CSMD1: variants seen among roughly 807,000 people sequenced by gnomAD.
The protein encoded by CSMD1 is CUB and sushi domain-containing protein 1.
A neutral mutation model predicts 417.5 loss-of-function variants in CSMD1; 213 were observed. That is an observed-to-expected ratio of 0.51 (90% CI 0.46 to 0.57). The LOEUF is 0.57. Ranked by LOEUF, CSMD1 falls within the 20% of genes least tolerant of loss-of-function variation. The probability of loss-of-function intolerance (pLI) is 0.00; values close to 1 mark genes in which losing one functional copy is unlikely to be tolerated. For missense variants in CSMD1, 6,923 were observed against 4,529.7 expected (o/e 1.53, Z -15.17); for synonymous variants, 2,862 against 1,736.8 (o/e 1.65, Z -16.11).
At chr8:3,988,491 G>A (rs1435857040) in intron 5 of CSMD1, among the ~76,000 whole-genome samples, 1 of 152,194 alleles carries the variant, frequency 6.6e-6, no homozygotes, top group Admixed American at 6.5e-5. Flanking sequence ...GCACGGAACA[G>A]CAGCACCAAC....
At chr8:4,217,373 G>T (rs899674248) in intron 3 of CSMD1, among the ~76,000 whole-genome samples, 1 of 152,086 alleles carries the variant, frequency 6.6e-6, no homozygotes, top group Non-Finnish European at 1.5e-5. Flanking sequence ...CTAATATTAG[G>T]GAACTTCATT....
At chr8:4,212,923 T>C (rs949546360) in intron 3 of CSMD1, among the ~76,000 whole-genome samples, 3 of 152,096 alleles carry the variant, frequency 2.0e-5, no homozygotes, top group African/African-American at 7.2e-5. Context: ...CTTCTTCTCA[T>C]TCCCAACTAG....
intron 1 of CSMD1, among the ~76,000 whole-genome samples, chr8:4,691,960 C>T (rs1806795012): frequency 1.3e-5 from 2 of 152,328 alleles, no homozygotes; most frequent in South Asian, 4.1e-4. Flanking sequence ...AACTGCAGCT[C>T]TCGTTTTATG....
At chr8:3,198,679 G>A (rs1002916341) in intron 33 of CSMD1, among the ~76,000 whole-genome samples, 1 of 152,074 alleles carries the variant, frequency 6.6e-6, no homozygotes, top group Admixed American at 6.6e-5. Context: ...ACACTGAACT[G>A]TTTTGAAGTC....
chr8:4,463,600 C>T (rs559569747), intron 2 of CSMD1, among the ~76,000 whole-genome samples: 1 of 152,124 alleles, frequency 6.6e-6, no homozygotes, highest in Non-Finnish European at 1.5e-5. Flanking sequence ...CCGATTTATT[C>T]CACAACCTGA....
intron 12 of CSMD1, among the ~76,000 whole-genome samples, chr8:3,456,725 G>A (rs1816167575): frequency 6.6e-6 from 1 of 152,080 alleles, no homozygotes; most frequent in Admixed American, 6.5e-5. Flanking sequence ...AATATTTGGA[G>A]CTGTTGATTT....
chr8:3,551,177 C>T (rs931291742), intron 10 of CSMD1, among the ~76,000 whole-genome samples: 2 of 152,096 alleles, frequency 1.3e-5, no homozygotes, highest in Non-Finnish European at 2.9e-5. Flanking sequence ...TGGCATAGGG[C>T]GTTCAAAGAT....
chr8:4,078,176 C>T (rs1244135696), intron 3 of CSMD1, among the ~76,000 whole-genome samples: 2 of 152,212 alleles, frequency 1.3e-5, no homozygotes, highest in African/African-American at 4.8e-5. Flanking sequence ...ATTCAGTTTG[C>T]TATTTTCAAC....
At chr8:4,420,143 A>C (rs943733443) in intron 2 of CSMD1, 78 bp from the exon 3 acceptor site, 8 of 960,332 alleles carry the variant, frequency 8.3e-6, no homozygotes, top group African/African-American at 1.6e-5. Context: ...GAAGTCACTG[A>C]ATAACTTGAA....
rs1563340827 is a variant in CSMD1, at chr8:4,032,087, T to G, written c.428A>C (p.His143Pro). 1 of 1,610,666 alleles carries G rather than the reference T, an allele frequency of 6.2e-7. No homozygotes were observed. The highest frequency in any genetic ancestry group is 2.2e-5 in the East Asian group (1 of 44,828). ...FKALYEVLPSHTCGNPGEILK... is the reference protein window; with the variant it reads ...FKALYEVLPSPTCGNPGEILK... ...GATTTCTCCAGGATTTCCACAAGTGTGGCTAGGTAAAACTATTGGAAAAAG... is the reference window on the plus strand; with the variant it reads ...GATTTCTCCAGGATTTCCACAAGTGGGGCTAGGTAAAACTATTGGAAAAAG... Residue 143 changes from histidine (H) to proline (P), a missense_variant, in exon 4 of 70, where the codon CAC becomes CCC. Physicochemically the swap from His to Pro is moderately conservative, Grantham distance 77. Transcript: ENST00000635120.
intron 5 of CSMD1, among the ~76,000 whole-genome samples, chr8:3,758,537 C>A (rs1797803050): frequency 6.6e-6 from 1 of 152,160 alleles, no homozygotes; most frequent in Admixed American, 6.5e-5. Context: ...TAGCTCTCAT[C>A]TGACACAAAG....
intron 66 of CSMD1, among the ~76,000 whole-genome samples, 189 bp downstream of exon 66, chr8:2,950,925 T>C (rs1182915057): frequency 2.0e-5 from 3 of 152,202 alleles, no homozygotes; most frequent in Non-Finnish European, 4.4e-5. Context: ...GTACTCGTTT[T>C]GTAATCTCTA....
At position 3,391,914 on chromosome 8, in the gene CSMD1, C is replaced by T. The variant is rs182802984; in HGVS notation, c.2594-4232G>A. Reference sequence around the variant, plus strand: ...GAAACAGAAGAGATGAGCAATATTCCTGTTTTTAAGAGGCATAAAGAGTTT... The same window carrying T: ...GAAACAGAAGAGATGAGCAATATTCTTGTTTTTAAGAGGCATAAAGAGTTT... On this transcript the variant is annotated intron_variant, in intron 17 of 69. Transcript: ENST00000635120. 1.4e-3 allele frequency among the ~76,000 whole-genome samples: 213 copies of T among 152,162 alleles called. 1 individual carries two copies. Among genetic ancestry groups the T allele is most frequent in the Middle Eastern group, 6.8e-3 (2 of 294 alleles).
intron 5 of CSMD1, among the ~76,000 whole-genome samples, chr8:3,899,746 G>A (rs2129132668): frequency 6.6e-6 from 1 of 152,238 alleles, no homozygotes; most frequent in South Asian, 2.1e-4. Context: ...GCAGTTGGAA[G>A]GGCTGTATGA....
intron 1 of CSMD1, among the ~76,000 whole-genome samples, chr8:4,824,597 G>A (rs997795575): frequency 2.0e-5 from 3 of 152,110 alleles, no homozygotes; most frequent in African/African-American, 7.2e-5. Context: ...CAATTTCAAA[G>A]GAATTAGTTG....
chr8:2,976,757 T>C (rs1585081571), intron 55 of CSMD1, among the ~76,000 whole-genome samples: 1 of 152,218 alleles, frequency 6.6e-6, no homozygotes, highest in Non-Finnish European at 1.5e-5. Flanking sequence ...GTAACACCTT[T>C]TCCTAAATCT....
At chr8:4,051,775 G>C (rs960901019) in intron 3 of CSMD1, among the ~76,000 whole-genome samples, 3 of 152,184 alleles carry the variant, frequency 2.0e-5, no homozygotes, top group African/African-American at 7.2e-5. Flanking sequence ...AGGGCTCCCA[G>C]TGTCCCAGGT....
intron 6 of CSMD1, among the ~76,000 whole-genome samples, chr8:3,725,276 G>A (rs911085930): frequency 2.6e-5 from 4 of 152,172 alleles, no homozygotes; most frequent in Non-Finnish European, 1.5e-5. Flanking sequence ...GAGTTTGGCA[G>A]GTCCAGGGCC....
intron 3 of CSMD1, among the ~76,000 whole-genome samples, chr8:4,034,858 A>T (rs1797534048): frequency 6.6e-6 from 1 of 152,332 alleles, no homozygotes; most frequent in Admixed American, 6.5e-5. Flanking sequence ...CCCCAAAGAC[A>T]CGGTTATCAA....
Sources: gnomAD v4.1 joint callset for allele counts (sites outside exome capture counted in the v4.1 genomes callset) on GRCh38, gnomAD v4.1.1 for gene constraint, MANE v1.5 for transcripts, NCBI Gene and HGNC (gene_info 2026-07-23, HGNC 2026-07-21) for gene names.